LUZP2: variants seen among roughly 807,000 people sequenced by gnomAD.
The protein encoded by LUZP2 is leucine zipper protein 2.
A neutral mutation model predicts 51.6 loss-of-function variants in LUZP2; 52 were observed. That is an observed-to-expected ratio of 1.01 (90% CI 0.81 to 1.27). LUZP2 has a LOEUF of 1.27. Among genes scored for constraint, LUZP2 ranks in the 50% most tolerant of loss-of-function variants. The pLI, the probability that LUZP2 is intolerant of heterozygous loss-of-function variation, is 0.00. For synonymous variants in LUZP2, 154 were observed against 137.3 expected (o/e 1.12, Z -0.85); for missense variants, 436 against 395.4 (o/e 1.10, Z -0.87).
chr11:24,771,921 C>T (rs1213730270), intron 5 of LUZP2, among the ~76,000 whole-genome samples: 1 of 152,160 alleles, frequency 6.6e-6, no homozygotes, highest in African/African-American at 2.4e-5. Flanking sequence ...ACCTCCCCAG[C>T]CATGTGGAAC....
At chr11:24,824,567 G>A (rs1850468861) in intron 5 of LUZP2, among the ~76,000 whole-genome samples, 1 of 151,600 alleles carries the variant, frequency 6.6e-6, no homozygotes, top group South Asian at 2.1e-4. Flanking sequence ...ATTGATCTTA[G>A]TTTCATTATG....
chr11:25,010,735 T>A (rs1201132093), intron 9 of LUZP2, among the ~76,000 whole-genome samples: 2 of 152,012 alleles, frequency 1.3e-5, no homozygotes, highest in African/African-American at 4.8e-5. Context: ...TAGTCCCAGC[T>A]ACTCCAGTGG....
chr11:24,876,601 G>C (rs1399405179), intron 5 of LUZP2, among the ~76,000 whole-genome samples: 1 of 149,876 alleles, frequency 6.7e-6, no homozygotes. Context: ...GGTTCCATAT[G>C]AACTTTAAAG....
chr11:24,601,140 T>A (rs575412867), intron 1 of LUZP2, among the ~76,000 whole-genome samples: 1 of 152,176 alleles, frequency 6.6e-6, no homozygotes, highest in South Asian at 2.1e-4. Context: ...AATATGTCAT[T>A]GCTGACTTGA....
chr11:24,504,593 G>A (rs1850095209), intron 1 of LUZP2, among the ~76,000 whole-genome samples: 1 of 152,000 alleles, frequency 6.6e-6, no homozygotes, highest in Admixed American at 6.6e-5. Flanking sequence ...ACATAGCTGT[G>A]CCTTGTAGTC....
intron 1 of LUZP2, among the ~76,000 whole-genome samples, chr11:24,709,846 T>C (rs1017701871): frequency 1.3e-5 from 2 of 152,184 alleles, no homozygotes; most frequent in African/African-American, 2.4e-5. Context: ...GTTCTTTCTG[T>C]TCACCAGCAG....
chr11:24,738,721 G>A (rs527658662), intron 4 of LUZP2, among the ~76,000 whole-genome samples: 46 of 151,960 alleles, frequency 3.0e-4, no homozygotes, highest in African/African-American at 7.0e-4. Context: ...TCCATCCCAC[G>A]GGTTATTCTA....
chr11:24,653,046 C>A (rs1052946972), intron 1 of LUZP2, among the ~76,000 whole-genome samples: 1 of 151,966 alleles, frequency 6.6e-6, no homozygotes, highest in Non-Finnish European at 1.5e-5. Flanking sequence ...TGGTGGGGAA[C>A]AAAATATGTG....
intron 5 of LUZP2, among the ~76,000 whole-genome samples, chr11:24,896,039 G>C (rs1295016595): frequency 1.3e-5 from 2 of 152,178 alleles, no homozygotes; most frequent in East Asian, 3.9e-4. Flanking sequence ...ATTCTGACTG[G>C]TGTGAAATGA....
chr11:24,804,290 T>C (rs1002724350), intron 5 of LUZP2, among the ~76,000 whole-genome samples: 1 of 148,752 alleles, frequency 6.7e-6, no homozygotes, highest in Non-Finnish European at 1.5e-5. Flanking sequence ...ATAAAGCCTA[T>C]GTTTCTAGTT....
At chr11:24,772,470 G>A (rs994646159) in intron 5 of LUZP2, among the ~76,000 whole-genome samples, 2 of 152,060 alleles carry the variant, frequency 1.3e-5, no homozygotes, top group African/African-American at 2.4e-5. Flanking sequence ...ACACCCAAGA[G>A]GTTTTTAAGA....
rs533808551 is a variant in LUZP2, at chr11:24,776,996, T to G, written c.396+13688T>G. Among the ~76,000 whole-genome samples the G allele has an allele frequency of 2.4e-5, 3 of 125,630 alleles. No individual in the cohort carries two copies. The East Asian group carries it at 6.0e-4, about 25-fold the overall frequency. 82.4% of individuals were successfully genotyped at this position (125,630 alleles called of 152,430 possible). A position where few individuals can be genotyped will look rare whatever the true frequency, so the allele number is the denominator to read the frequency against. On this transcript the variant is annotated intron_variant, in intron 5 of 11. Coordinates refer to ENST00000336930, the MANE Select transcript of LUZP2 (RefSeq NM_001009909.4). ...TCCCCTTGGTGACACTGTAAGTAGT[T>G]TTTTTTTTTTTTTTTTAGACAAGAG... is the stretch of plus-strand genomic sequence containing the variant.
rs568236544 is a variant in LUZP2 at position 24,517,481 on chromosome 11, G to A, written c.62+20176G>A. ...AGCCTGGGTGACAGAGCCAGACGCC[G>A]TCAAAAAAAAAAAAAAAAAAAAAAA... is the stretch of plus-strand genomic sequence containing the variant. On this transcript the variant is annotated intron_variant, in intron 1 of 11. Transcript: ENST00000336930. 1.6e-3 allele frequency among the ~76,000 whole-genome samples: 15 copies of A among 9,620 alleles called. No individual in the cohort carries two copies. In the South Asian group the frequency reaches 0.075, roughly 48 times the overall value. 6.3% of individuals were successfully genotyped at this position (9,620 alleles called of 152,430 possible).
At chr11:25,065,004 C>A (rs1274241512) in intron 10 of LUZP2, among the ~76,000 whole-genome samples, 1 of 151,970 alleles carries the variant, frequency 6.6e-6, no homozygotes, top group African/African-American at 2.4e-5. Flanking sequence ...TAAATCAGTG[C>A]TTTGTTTGGA....
chr11:24,675,556 TTACTC>T (rs1428256974), intron 1 of LUZP2, among the ~76,000 whole-genome samples: 2 of 152,110 alleles, frequency 1.3e-5, no homozygotes, highest in Admixed American at 6.6e-5. Context: ...TATTATTTCT[TTACTC>T]AACCTCTATA....
At chr11:24,846,082 A>G (rs1332734793) in intron 5 of LUZP2, among the ~76,000 whole-genome samples, 1 of 152,074 alleles carries the variant, frequency 6.6e-6, no homozygotes, top group African/African-American at 2.4e-5. Flanking sequence ...CTTCTATTTA[A>G]GAGTCAACTG....
chr11:24,880,133 T>C (rs11028249), intron 5 of LUZP2, among the ~76,000 whole-genome samples: 73,984 of 152,074 alleles, frequency 0.49, 18,472 homozygotes, highest in East Asian at 0.69. Context: ...CAAGGTTGGA[T>C]TGCTGGCATA....
intron 7 of LUZP2, among the ~76,000 whole-genome samples, chr11:24,947,722 G>A (rs1003769430): frequency 6.6e-6 from 1 of 151,710 alleles, no homozygotes; most frequent in Non-Finnish European, 1.5e-5. Flanking sequence ...AAAATTTGCT[G>A]GATATAAAAT....
At chr11:24,706,064 G>A (rs1857572144) in intron 1 of LUZP2, among the ~76,000 whole-genome samples, 1 of 152,120 alleles carries the variant, frequency 6.6e-6, no homozygotes, top group Non-Finnish European at 1.5e-5. Flanking sequence ...TTTTCACTGT[G>A]AGCTGTGCAG....
Sources: gnomAD v4.1 joint callset for allele counts (sites outside exome capture counted in the v4.1 genomes callset) on GRCh38, gnomAD v4.1.1 for gene constraint, MANE v1.5 for transcripts, NCBI Gene and HGNC (gene_info 2026-07-23, HGNC 2026-07-21) for gene names.